Variants in DOCK2 observed in about 807,000 individuals in gnomAD.
DOCK2 encodes dedicator of cytokinesis protein 2.
A neutral mutation model predicts 248.9 loss-of-function variants in DOCK2; 87 were observed. The ratio of observed to expected loss-of-function variants is 0.35; its 90% CI spans 0.29 to 0.42. The LOEUF is 0.42. Ranked by LOEUF, DOCK2 falls within the 10% of genes least tolerant of loss-of-function variation. DOCK2 has a pLI of 1.00. For missense variants in DOCK2, 1,747 were observed against 2,300.2 expected (o/e 0.76, Z 4.92); for synonymous variants, 805 against 821.6 (o/e 0.98, Z 0.35).
chr5:170,053,468 A>G (rs1756995127), intron 41 of DOCK2, among the ~76,000 whole-genome samples: 1 of 152,188 alleles, frequency 6.6e-6, no homozygotes, highest in Non-Finnish European at 1.5e-5. Flanking sequence ...TATCATTTTC[A>G]CGTTACAAAA....
At chr5:169,859,938 G>A (rs1432083061) in intron 27 of DOCK2, among the ~76,000 whole-genome samples, 1 of 146,024 alleles carries the variant, frequency 6.8e-6, no homozygotes, top group African/African-American at 2.5e-5. Context: ...ATTAACTGTC[G>A]TGGTTTCTGG....
intron 20 of DOCK2, 38 bp downstream of exon 20, chr5:169,716,340 A>G: frequency 2.5e-6 from 4 of 1,595,040 alleles, no homozygotes; most frequent in Non-Finnish European, 2.6e-6. Flanking sequence ...GACAACAGGC[A>G]TTAATGTATG....
intron 27 of DOCK2, chr5:169,934,690 C>T (rs758134255): frequency 2.2e-5 from 10 of 456,100 alleles, no homozygotes; most frequent in Non-Finnish European, 3.5e-5. Flanking sequence ...TTGGGTGCTA[C>T]GGAGTATTAA....
At position 170,082,718 on chromosome 5, in the gene DOCK2, T is replaced by C. The variant is rs985663334; in HGVS notation, c.5431-78T>C. 6 of 1,569,026 alleles carry C rather than the reference T, an allele frequency of 3.8e-6. No individual in the cohort carries two copies. The African/African-American group carries it at 6.7e-5, about 18-fold the overall frequency. On this transcript the variant is annotated intron_variant, in intron 51 of 51. Transcript: ENST00000520908. ...GGGGTCAGTGTTGAGGCCCTTGTGATTAGGACTGGGAAGCTCCATTTTGGT... is the reference window on the plus strand; with the variant it reads ...GGGGTCAGTGTTGAGGCCCTTGTGACTAGGACTGGGAAGCTCCATTTTGGT...
At position 170,079,103 on chromosome 5, in the gene DOCK2, T is replaced by G; in HGVS notation, c.5123T>G (p.Val1708Gly). Residue 1708 changes from valine to glycine, a missense_variant, in exon 49 of 52, where the codon GTT (valine) becomes GGT (glycine). Coordinates refer to ENST00000520908, the MANE Select transcript of DOCK2 (RefSeq NM_004946.3). Reference sequence around the variant, plus strand: ...AAGAGGACAAAGAGAAGCAGCGTAGTTTTTGCGGATGAGAAAGCAGCTGCA... The same window carrying G: ...AAGAGGACAAAGAGAAGCAGCGTAGGTTTTGCGGATGAGAAAGCAGCTGCA... ...SKKRTKRSSV[V>G]FADEKAAAES... The G allele has an allele frequency of 6.2e-7, 1 of 1,613,854 alleles. No homozygotes were observed. Among genetic ancestry groups the G allele is most frequent in the Non-Finnish European group, 8.5e-7 (1 of 1,179,962 alleles).
intron 38 of DOCK2, among the ~76,000 whole-genome samples, chr5:170,044,318 A>T (rs1031075793): frequency 6.6e-6 from 1 of 152,158 alleles, no homozygotes; most frequent in Non-Finnish European, 1.5e-5. Flanking sequence ...ATTACTGCAC[A>T]CCACACCATG....
At chr5:170,078,603 T>C (rs1226032776) in intron 48 of DOCK2, among the ~76,000 whole-genome samples, 1 of 152,240 alleles carries the variant, frequency 6.6e-6, no homozygotes, top group Non-Finnish European at 1.5e-5. Flanking sequence ...AAGGAAATGA[T>C]GGCTTGAAGA....
Position 170,050,107 on chromosome 5 carries a change from C to G in DOCK2, c.4072-149C>G, listed in dbSNP as rs1212680035. 4.8e-6 allele frequency: 5 copies of G among 1,035,756 alleles called. No individual in the cohort carries two copies. In the African/African-American group the frequency reaches 8.0e-5, roughly 17 times the overall value. The allele number at this position is 1,035,756 out of a possible 1,614,324, so 64.2% of individuals were successfully genotyped here. On this transcript the variant is annotated intron_variant, in intron 40 of 51. Coordinates refer to ENST00000520908, the MANE Select transcript of DOCK2 (RefSeq NM_004946.3). Reference sequence around the variant, plus strand: ...CCTCTGCTAGGTCAGTGAGTTGAGCCCTTCCTTTCCCTGTGGGGAAACCAA... The same window carrying G: ...CCTCTGCTAGGTCAGTGAGTTGAGCGCTTCCTTTCCCTGTGGGGAAACCAA...
In DOCK2 at chr5:170,078,942, G is replaced by A. The variant is rs1757930967; in HGVS notation, c.4995-33G>A. The A allele has an allele frequency of 5.0e-6, 8 of 1,611,132 alleles. No homozygotes were observed. In the East Asian group the frequency reaches 1.8e-4, roughly 36 times the overall value. ...AGGCAGTTCTACTGAAGCTCTAACT[G>A]CAGTTTCTATTGCTGCCCCTCTGGC... On this transcript the variant is annotated intron_variant, in intron 48 of 51. Transcript: ENST00000520908.
chr5:169,953,273 C>T (rs1776738027), intron 27 of DOCK2, among the ~76,000 whole-genome samples: 1 of 148,108 alleles, frequency 6.8e-6, no homozygotes, highest in Non-Finnish European at 1.5e-5. Flanking sequence ...GCGGAGGTTG[C>T]AGTAAGCCGA....
chr5:169,799,625 A>C (rs1766847130), intron 25 of DOCK2, among the ~76,000 whole-genome samples: 1 of 152,080 alleles, frequency 6.6e-6, no homozygotes, highest in Non-Finnish European at 1.5e-5. Context: ...CTGCTTAATA[A>C]ATACATCTGG....
At chr5:169,823,541 G>A (rs1413665188) in intron 26 of DOCK2, among the ~76,000 whole-genome samples, 1 of 152,148 alleles carries the variant, frequency 6.6e-6, no homozygotes, top group Non-Finnish European at 1.5e-5. Context: ...CTCAATAGAT[G>A]CAGAAAAGGC....
At chr5:169,837,533 C>T (rs1275540812) in intron 26 of DOCK2, among the ~76,000 whole-genome samples, 1 of 152,202 alleles carries the variant, frequency 6.6e-6, no homozygotes, top group Non-Finnish European at 1.5e-5. Context: ...AGAGCTGATG[C>T]AAACCAAGGG....
chr5:170,032,124 T>A (rs1486553096), intron 34 of DOCK2, among the ~76,000 whole-genome samples: 1 of 152,060 alleles, frequency 6.6e-6, no homozygotes. Context: ...CCTCCCGGGT[T>A]CACACCATTC....
intron 44 of DOCK2, among the ~76,000 whole-genome samples, chr5:170,058,215 C>A (rs1757205126): frequency 6.6e-6 from 1 of 152,200 alleles, no homozygotes; most frequent in African/African-American, 2.4e-5. Context: ...CCCCAAGATA[C>A]AGAGGAATGG....
At chr5:169,884,137 T>A in intron 27 of DOCK2, 1 of 368,702 alleles carries the variant, frequency 2.7e-6, no homozygotes, top group Non-Finnish European at 4.8e-6. Flanking sequence ...GTAGTCATAA[T>A]TGCTCCTTGG....
At chr5:169,743,864 T>C (rs1217780334) in intron 22 of DOCK2, among the ~76,000 whole-genome samples, 1 of 148,366 alleles carries the variant, frequency 6.7e-6, no homozygotes, top group Non-Finnish European at 1.5e-5. Flanking sequence ...AGATAATATA[T>C]AATTTATGAT....
At chr5:169,810,490 G>A (rs183796597) in intron 26 of DOCK2, among the ~76,000 whole-genome samples, 3 of 152,182 alleles carry the variant, frequency 2.0e-5, no homozygotes, top group Non-Finnish European at 2.9e-5. Flanking sequence ...TCTCTTGGGC[G>A]CAGCAAAGCA....
At chr5:169,790,309 G>C (rs915322374) in intron 25 of DOCK2, among the ~76,000 whole-genome samples, 1 of 152,160 alleles carries the variant, frequency 6.6e-6, no homozygotes, top group Non-Finnish European at 1.5e-5. Context: ...TGTGATGGGG[G>C]CAATATAGGA....
Sources: allele counts gnomAD v4.1 joint callset (sites outside exome capture counted in the v4.1 genomes callset), GRCh38; gene constraint gnomAD v4.1.1; transcripts MANE v1.5; gene names NCBI Gene and HGNC (gene_info 2026-07-23, HGNC 2026-07-21).